Variants in VPS13C observed in about 807,000 individuals in gnomAD.
The protein encoded by VPS13C is vacuolar protein sorting 13 homolog C.
In VPS13C, 358 loss-of-function variants were observed where a neutral mutation model predicts 456.8. That is an observed-to-expected ratio of 0.78 (90% CI 0.72 to 0.86). The LOEUF (loss-of-function observed/expected upper bound fraction) is 0.86, where lower values mean the gene tolerates loss of function less well. Ranked by LOEUF, VPS13C falls within the 40% of genes least tolerant of loss-of-function variation. VPS13C has a pLI of 0.00. For synonymous variants in VPS13C, 1,578 were observed against 1,486.7 expected, an observed-to-expected ratio of 1.06 and a Z score of -1.41; for missense variants, 4,818 against 4,385.4, an observed-to-expected ratio of 1.10 and a Z score of -2.79.
chr15:61,990,076 A>T (rs1442299248), intron 18 of VPS13C, among the ~76,000 whole-genome samples: 1 of 152,250 alleles, frequency 6.6e-6, no homozygotes, highest in Non-Finnish European at 1.5e-5. Context: ...AGTAAAATAC[A>T]TCTACTGCAA....
At chr15:61,961,060 G>A (rs1291532922) in intron 35 of VPS13C, among the ~76,000 whole-genome samples, 3 of 151,752 alleles carry the variant, frequency 2.0e-5, no homozygotes, top group African/African-American at 4.8e-5. Flanking sequence ...CAGCCTGGGC[G>A]ACAGAGCAAG....
intron 67 of VPS13C, among the ~76,000 whole-genome samples, chr15:61,888,793 A>G (rs1896456497): frequency 6.6e-6 from 1 of 152,168 alleles, no homozygotes; most frequent in South Asian, 2.1e-4. Flanking sequence ...AGGTTATTAC[A>G]CATTTGTCAG....
chr15:61,942,209 G>T, intron 45 of VPS13C, 142 bp from the exon 46 acceptor site: 2 of 670,090 alleles, frequency 3.0e-6, no homozygotes, highest in Non-Finnish European at 4.6e-6. Context: ...AGAGAGTGAA[G>T]TCTAGAAACA....
In VPS13C at chr15:62,032,161, C is replaced by T. The variant is rs576799936; in HGVS notation, c.385+1280G>A. Among the ~76,000 whole-genome samples the T allele has an allele frequency of 2.0e-5, 3 of 151,700 alleles. No individual in the cohort carries two copies. The South Asian group carries it at 6.2e-4, about 32-fold the overall frequency. On this transcript the variant is annotated intron_variant, in intron 5 of 84. Coordinates refer to ENST00000644861, the MANE Select transcript of VPS13C (RefSeq NM_020821.3). ...GTTAATATCCTAATCTGAATAGTTT[C>T]AAGAAAAAGTGAAATTCTAGTGCTC...
intron 48 of VPS13C, chr15:61,935,768 T>C (rs1384413184): frequency 2.0e-5 from 3 of 152,202 alleles, no homozygotes; most frequent in Non-Finnish European, 4.4e-5. Context: ...GTTTGTGTGA[T>C]TTCAAAACAC....
Position 61,878,713 on chromosome 15 carries a change from C to T in VPS13C, c.10036G>A (p.Glu3346Lys). Residue 3346 changes from glutamate to lysine, a missense_variant, in exon 74 of 85, where the codon GAA becomes AAA. Glu to Lys is a moderately conservative substitution (Grantham distance 56). Coordinates refer to ENST00000644861, the MANE Select transcript of VPS13C (RefSeq NM_020821.3). Reference protein sequence around the residue: ...HLSLSLGSGGEESDKEKQEMF... With the variant: ...HLSLSLGSGGKESDKEKQEMF... The stretch of plus-strand genomic sequence containing the variant: ...TCCTGTTTTTCTTTGTCTGATTCTT[C>T]ACCTCCGGAACCCAAAGACAAACTC... 1 of 1,610,554 alleles carries T rather than the reference C, an allele frequency of 6.2e-7. No homozygotes were observed. The highest frequency in any genetic ancestry group is 8.5e-7 in the Non-Finnish European group (1 of 1,178,416).
chr15:61,963,639 G>A (rs1420818907), intron 32 of VPS13C, among the ~76,000 whole-genome samples, 196 bp downstream of exon 32: 3 of 152,000 alleles, frequency 2.0e-5, no homozygotes, highest in African/African-American at 7.2e-5. Context: ...ACCAGGATAT[G>A]TGTAGAGGTC....
Position 61,962,406 on chromosome 15 carries a change from T to A in VPS13C, c.3568A>T (p.Ile1190Phe). Residue 1190 changes from isoleucine (I) to phenylalanine (F), a missense_variant, in exon 34 of 85, where the codon ATT becomes TTT. Physicochemically the swap from Ile to Phe is conservative, Grantham distance 21. This residue lies in a region of VPS13C where 4,552 missense variants were observed against 4,130.6 expected (regional missense o/e 1.10). Coordinates refer to ENST00000644861, the MANE Select transcript of VPS13C (RefSeq NM_020821.3). Reference sequence around the variant, plus strand: ...ATAAGGAATTTATGAAGATAGACAATCTGAATACAGCCAACATTCAGAGAC... The same window carrying A: ...ATAAGGAATTTATGAAGATAGACAAACTGAATACAGCCAACATTCAGAGAC... ...VLSLNVGCIQ[I>F]VYLHKFLMSL... The A allele has an allele frequency of 1.3e-6, 2 of 1,598,320 alleles. No individual in the cohort carries two copies. Among genetic ancestry groups the A allele is most frequent in the South Asian group, 2.3e-5 (2 of 87,352 alleles).
chr15:61,897,770 C>G (rs1056477879), intron 66 of VPS13C, among the ~76,000 whole-genome samples: 2 of 151,912 alleles, frequency 1.3e-5, no homozygotes, highest in Non-Finnish European at 2.9e-5. Flanking sequence ...AGATACTCCT[C>G]GAGAAGAGCA....
At chr15:62,008,327 G>C (rs569242212) in intron 14 of VPS13C, among the ~76,000 whole-genome samples, 50 of 152,116 alleles carry the variant, frequency 3.3e-4, no homozygotes, top group Middle Eastern at 6.8e-3. Context: ...TTGAACCAGG[G>C]AGGCACAAGT....
At chr15:61,929,128 G>T (rs893777642) in intron 51 of VPS13C, among the ~76,000 whole-genome samples, 1 of 152,214 alleles carries the variant, frequency 6.6e-6, no homozygotes, top group South Asian at 2.1e-4. Flanking sequence ...CAAAGTCCCC[G>T]TGTTCTGCTT....
intron 38 of VPS13C, among the ~76,000 whole-genome samples, chr15:61,953,410 C>A (rs912269904): frequency 4.9e-5 from 6 of 121,420 alleles, no homozygotes; most frequent in African/African-American, 6.5e-5. Flanking sequence ...CCATAACAGT[C>A]CCCAGAATGT....
At chr15:61,998,167 G>C (rs943042546) in intron 16 of VPS13C, among the ~76,000 whole-genome samples, 9 of 152,138 alleles carry the variant, frequency 5.9e-5, no homozygotes, top group African/African-American at 2.2e-4. Context: ...ATTTCTGCCT[G>C]GTTATACCTT....
intron 2 of VPS13C, among the ~76,000 whole-genome samples, chr15:62,042,666 C>T (rs1003943341): frequency 6.6e-6 from 1 of 152,012 alleles, no homozygotes; most frequent in African/African-American, 2.4e-5. Context: ...TTTTAATCCT[C>T]CTGAAATAAT....
chr15:61,994,824 G>A (rs1363202250), intron 16 of VPS13C, among the ~76,000 whole-genome samples: 6 of 152,074 alleles, frequency 3.9e-5, no homozygotes, highest in Admixed American at 3.3e-4. Flanking sequence ...TCCTGACCTC[G>A]TGATCTGCCC....
intron 15 of VPS13C, among the ~76,000 whole-genome samples, chr15:62,007,014 CAT>C (rs2046872941): frequency 6.6e-6 from 1 of 152,070 alleles, no homozygotes; most frequent in South Asian, 2.1e-4. Flanking sequence ...CTAATAAACA[CAT>C]ATTTAAACAG....
At chr15:61,921,844 G>C (rs1490746226) in intron 55 of VPS13C, 103 bp downstream of exon 55, 5 of 1,147,620 alleles carry the variant, frequency 4.4e-6, no homozygotes, top group Admixed American at 1.9e-5. Flanking sequence ...CCTTAAAAGG[G>C]CTTCAAGGAT....
At chr15:61,914,884 A>T (rs1207486315) in intron 61 of VPS13C, among the ~76,000 whole-genome samples, 3 of 46,180 alleles carry the variant, frequency 6.5e-5, no homozygotes, top group African/African-American at 2.7e-4. Context: ...GCCTTAAAAA[A>T]AAAAAAAAAA....
chr15:61,951,075 T>C, intron 39 of VPS13C, 51 bp from the exon 40 acceptor site: 1 of 1,256,702 alleles, frequency 8.0e-7, no homozygotes, highest in Non-Finnish European at 1.1e-6. Flanking sequence ...ATTTCACACA[T>C]TTTAAAACAG....
Sources: allele counts gnomAD v4.1 joint callset (sites outside exome capture counted in the v4.1 genomes callset), GRCh38; gene constraint gnomAD v4.1.1; regional missense constraint gnomAD v4.1.1; transcripts MANE v1.5; gene names NCBI Gene and HGNC (gene_info 2026-07-23, HGNC 2026-07-21).